The following KCNJ15 variants were observed in gnomAD, a reference collection of about 807,000 sequenced individuals.
KCNJ15 encodes the protein ATP-sensitive inward rectifier potassium channel 15.
Under a neutral mutation model 23.0 loss-of-function variants are expected in KCNJ15, and 14 were observed. The ratio of observed to expected loss-of-function variants is 0.61; its 90% CI spans 0.40 to 0.95. The LOEUF (loss-of-function observed/expected upper bound fraction) is 0.95, where lower values mean the gene tolerates loss of function less well. Among genes scored for constraint, KCNJ15 ranks in the 40% least tolerant of loss-of-function variants. The pLI is 0.00. For synonymous variants in KCNJ15, 185 were observed against 183.2 expected, an observed-to-expected ratio of 1.01 and a Z score of -0.08; for missense variants, 388 against 461.8, an observed-to-expected ratio of 0.84 and a Z score of 1.46.
Position 38,240,702 on chromosome 21 carries a change from G to A in KCNJ15, c.-398-16344G>A, listed in dbSNP as rs1443088070. 2.0e-5 allele frequency among the ~76,000 whole-genome samples: 3 copies of A among 152,094 alleles called. No homozygotes were observed. The East Asian group carries it at 5.8e-4, about 29-fold the overall frequency. ...ATTACATGGATTTAGTACATTTTTTGACCAAATAACACTTGACCAAACATT... is the reference window on the plus strand; with the variant it reads ...ATTACATGGATTTAGTACATTTTTTAACCAAATAACACTTGACCAAACATT... On this transcript the variant is annotated intron_variant, in intron 1 of 4. Transcript: ENST00000547341.
At chr21:38,247,548 GGA>G (rs1979523200) in intron 1 of KCNJ15, among the ~76,000 whole-genome samples, 1 of 151,514 alleles carries the variant, frequency 6.6e-6, no homozygotes, top group African/African-American at 2.4e-5. Flanking sequence ...ATGGATGGAT[GGA>G]TGGATGGATG....
At chr21:38,265,643 G>A (rs984839256) in intron 1 of KCNJ15, among the ~76,000 whole-genome samples, 1 of 152,174 alleles carries the variant, frequency 6.6e-6, no homozygotes. Flanking sequence ...TGGGTGGTCC[G>A]TCTTATGTCG....
At chr21:38,266,384 C>T (rs548897264) in intron 1 of KCNJ15, among the ~76,000 whole-genome samples, 10 of 152,180 alleles carry the variant, frequency 6.6e-5, no homozygotes, top group East Asian at 5.8e-4. Context: ...TGAGAATATG[C>T]GGTGTTTGGT....
At chr21:38,244,437 T>C (rs1376395130) in intron 1 of KCNJ15, among the ~76,000 whole-genome samples, 1 of 152,174 alleles carries the variant, frequency 6.6e-6, no homozygotes, top group Non-Finnish European at 1.5e-5. Context: ...AATTGGACCT[T>C]AAGATCAGAA....
At chr21:38,234,110 T>C (rs1199451848) in intron 1 of KCNJ15, among the ~76,000 whole-genome samples, 1 of 152,190 alleles carries the variant, frequency 6.6e-6, no homozygotes, top group East Asian at 1.9e-4. Flanking sequence ...TTTTGATAAA[T>C]ATGTTAGATT....
intron 1 of KCNJ15, among the ~76,000 whole-genome samples, chr21:38,243,017 C>T (rs1235107390): frequency 6.6e-6 from 1 of 152,182 alleles, no homozygotes; most frequent in Non-Finnish European, 1.5e-5. Flanking sequence ...TCAAGCCCTG[C>T]CTCTCTACCT....
chr21:38,263,788 C>T (rs150536817), intron 1 of KCNJ15, among the ~76,000 whole-genome samples: 8 of 152,258 alleles, frequency 5.3e-5, no homozygotes, highest in African/African-American at 9.6e-5. Flanking sequence ...GGCCAGCCTT[C>T]GGGATTGCGA....
intron 1 of KCNJ15, among the ~76,000 whole-genome samples, chr21:38,277,844 TTTATAGA>T (rs11277743): frequency 0.66 from 99,230 of 151,104 alleles, 33,199 homozygotes; most frequent in Non-Finnish European, 0.73. Context: ...TCATTCATTC[TTTATAGA>T]TTATTAATCC....
intron 1 of KCNJ15, among the ~76,000 whole-genome samples, chr21:38,295,765 C>T (rs1477251083): frequency 3.3e-5 from 5 of 152,112 alleles, no homozygotes; most frequent in African/African-American, 9.7e-5. Flanking sequence ...ATTCAAACTT[C>T]ATGAAAGAAG....
chr21:38,302,883 A>G lies in KCNJ15; in HGVS notation c.*2494A>G, dbSNP rs1309456479. On this transcript the variant is annotated 3_prime_UTR_variant, in exon 3 of 3. Coordinates refer to ENST00000398938, the MANE Select transcript of KCNJ15 (RefSeq NM_170736.3). ...TCTACACACTCAAAACAAATATTGC[A>G]GCAGAAATATCACCTTAAAAATATC... 6.6e-6 allele frequency: 1 copy of G among 152,236 alleles called. No individual in the cohort carries two copies. Among genetic ancestry groups the G allele is most frequent in the African/African-American group, 2.4e-5 (1 of 41,468 alleles). The allele number at this position is 152,236 out of a possible 1,614,324, so 9.4% of individuals were successfully genotyped here. A position where few individuals can be genotyped will look rare whatever the true frequency, so the allele number is the denominator to read the frequency against.
At chr21:38,254,838 GA>G (rs1310676452), upstream of KCNJ15, among the ~76,000 whole-genome samples, 2 of 151,686 alleles carry the variant, frequency 1.3e-5, no homozygotes, top group African/African-American at 2.4e-5. Flanking sequence ...TTTACAAATT[GA>G]AAAAAAGGTG....
chr21:38,231,959 A>C (rs1978321654), intron 1 of KCNJ15, among the ~76,000 whole-genome samples: 1 of 151,770 alleles, frequency 6.6e-6, no homozygotes, highest in South Asian at 2.1e-4. Context: ...TGTCCATATA[A>C]CCAACCTCAT....
upstream of KCNJ15, among the ~76,000 whole-genome samples, chr21:38,253,300 C>T (rs1308772068): frequency 6.6e-6 from 1 of 152,210 alleles, no homozygotes; most frequent in Non-Finnish European, 1.5e-5. Flanking sequence ...TTTGTGGCTT[C>T]CCAGGACAAG....
In KCNJ15 at chr21:38,302,390, G is replaced by A. The variant is rs753684498; in HGVS notation, c.*2001G>A. The A allele has an allele frequency of 1.3e-5, 2 of 152,228 alleles. No individual in the cohort carries two copies. The highest frequency in any genetic ancestry group is 1.3e-4 in the Admixed American group (2 of 15,290). 9.4% of individuals were successfully genotyped at this position (152,228 alleles called of 1,614,324 possible). A position where few individuals can be genotyped will look rare whatever the true frequency, so the allele number is the denominator to read the frequency against. On this transcript the variant is annotated 3_prime_UTR_variant, in exon 3 of 3. Transcript: ENST00000398938. Reference sequence around the variant, plus strand: ...GGAACTGAACTAGTTTAAGGCAGGTGTAAGAATAGTGGGAGGAAAGTTTGT... The same window carrying A: ...GGAACTGAACTAGTTTAAGGCAGGTATAAGAATAGTGGGAGGAAAGTTTGT...
At chr21:38,263,091 G>A (rs1465665546) in intron 1 of KCNJ15, among the ~76,000 whole-genome samples, 6 of 152,166 alleles carry the variant, frequency 3.9e-5, no homozygotes, top group Non-Finnish European at 7.4e-5. Flanking sequence ...TCAGGGTCTT[G>A]GTTCCTAGGC....
At chr21:38,251,616 A>C (rs1979840627) in intron 1 of KCNJ15, among the ~76,000 whole-genome samples, 1 of 152,226 alleles carries the variant, frequency 6.6e-6, no homozygotes, top group Admixed American at 6.5e-5. Context: ...CAGTGCTAAC[A>C]AATTAGGATA....
At position 38,304,717 on chromosome 21, in the gene KCNJ15, C is replaced by A. The variant is rs147750742; in HGVS notation, c.*4328C>A. ...TTGATACTGGGTCTCGCTCTGTCGC[C>A]CAGGCTGCTAGAGTGCAGTGGCGCG... On this transcript the variant is annotated 3_prime_UTR_variant, in exon 3 of 3. Transcript: ENST00000398938. 1.3e-3 allele frequency: 152 copies of A among 113,420 alleles called. No homozygotes were observed. Among genetic ancestry groups the A allele is most frequent in the African/African-American group, 4.7e-3 (143 of 30,678 alleles). 7.0% of individuals were successfully genotyped at this position (113,420 alleles called of 1,614,324 possible).
Position 38,302,860 on chromosome 21 carries a change from T to G in KCNJ15, c.*2471T>G, listed in dbSNP as rs1479551494. The G allele has an allele frequency of 1.3e-5, 2 of 152,228 alleles. No individual in the cohort carries two copies. Among genetic ancestry groups the G allele is most frequent in the Non-Finnish European group, 2.9e-5 (2 of 68,026 alleles). 9.4% of individuals were successfully genotyped at this position (152,228 alleles called of 1,614,324 possible). A position where few individuals can be genotyped will look rare whatever the true frequency, so the allele number is the denominator to read the frequency against. On this transcript the variant is annotated 3_prime_UTR_variant, in exon 3 of 3. Coordinates refer to ENST00000398938, the MANE Select transcript of KCNJ15 (RefSeq NM_170736.3). Reference sequence around the variant, plus strand: ...GACTTGATCATCTTATCTTTTGCTCTACACACTCAAAACAAATATTGCAGC... The same window carrying G: ...GACTTGATCATCTTATCTTTTGCTCGACACACTCAAAACAAATATTGCAGC...
At chr21:38,236,551 T>C (rs540542597) in intron 1 of KCNJ15, among the ~76,000 whole-genome samples, 1 of 152,174 alleles carries the variant, frequency 6.6e-6, no homozygotes, top group Non-Finnish European at 1.5e-5. Context: ...TAGACACATA[T>C]GGGTGGATTC....
Sources: gnomAD v4.1 joint callset for allele counts (sites outside exome capture counted in the v4.1 genomes callset) on GRCh38, gnomAD v4.1.1 for gene constraint, MANE v1.5 for transcripts, NCBI Gene and HGNC (gene_info 2026-07-23, HGNC 2026-07-21) for gene names.